FGF2: variants seen among roughly 807,000 people sequenced by gnomAD.
FGF2 encodes basic fibroblast growth factor bFGF.
In FGF2, 13 loss-of-function variants were observed where a neutral mutation model predicts 15.9. That is an observed-to-expected ratio of 0.82 (90% CI 0.53 to 1.30). FGF2 has a LOEUF of 1.30. Among genes scored for constraint, FGF2 ranks in the 50% most tolerant of loss-of-function variants. FGF2 has a pLI of 0.00. For missense variants in FGF2, 163 were observed against 196.9 expected (o/e 0.83, Z 1.03); for synonymous variants, 90 against 78.4 (o/e 1.15, Z -0.78).
Position 122,892,888 on chromosome 4 carries a change from A to T in FGF2, c.*492A>T. ...GCAGTTCCTTATGATAGAGTTTATA[A>T]AACAGTCCTGTGTAAACTGCTGGAA... On this transcript the variant is annotated 3_prime_UTR_variant, in exon 3 of 3. Transcript: ENST00000644866. The T allele has an allele frequency of 6.2e-7, 1 of 1,613,754 alleles. No individual in the cohort carries two copies. Among genetic ancestry groups the T allele is most frequent in the Non-Finnish European group, 8.5e-7 (1 of 1,179,660 alleles).
At chr4:122,875,248 T>C (rs1726814552) in intron 1 of FGF2, among the ~76,000 whole-genome samples, 1 of 152,140 alleles carries the variant, frequency 6.6e-6, no homozygotes, top group African/African-American at 2.4e-5. Context: ...CATAATTAAG[T>C]AATTTTTTTT....
chr4:122,831,947 A>G (rs1009612475), intron 1 of FGF2, among the ~76,000 whole-genome samples: 6 of 152,372 alleles, frequency 3.9e-5, no homozygotes, highest in African/African-American at 7.2e-5. Flanking sequence ...TATCATAAGC[A>G]TAAAATTGAC....
At chr4:122,858,936 C>CT (rs5861582) in intron 1 of FGF2, among the ~76,000 whole-genome samples, 9,426 of 152,218 alleles carry the variant, frequency 0.062, 806 homozygotes, top group African/African-American at 0.19. Context: ...CGAACACACT[C>CT]TATCAACCAA....
intron 1 of FGF2, among the ~76,000 whole-genome samples, chr4:122,835,632 G>A (rs1725851345): frequency 6.6e-6 from 1 of 152,068 alleles, no homozygotes. Context: ...TGTCTTTGAT[G>A]CCTTTCTCTA....
chr4:122,895,535 C>G lies in FGF2; in HGVS notation c.*3139C>G, dbSNP rs1167241389. Reference sequence around the variant, plus strand: ...TGCACTGATGATCTCTGATAAGGCTCAGCTGCTTTATAGTTCTCTGGCTAA... The same window carrying G: ...TGCACTGATGATCTCTGATAAGGCTGAGCTGCTTTATAGTTCTCTGGCTAA... On this transcript the variant is annotated 3_prime_UTR_variant, in exon 3 of 3. Transcript: ENST00000644866. 1 of 152,188 alleles carries G rather than the reference C, an allele frequency of 6.6e-6. No homozygotes were observed. The highest frequency in any genetic ancestry group is 1.9e-4 in the East Asian group (1 of 5,200). 9.4% of individuals were successfully genotyped at this position (152,188 alleles called of 1,614,324 possible).
rs965348856 is a variant in FGF2, at chr4:122,827,405, C to G, written c.178+53C>G. The G allele has an allele frequency of 6.3e-6, 10 of 1,588,894 alleles. No individual in the cohort carries two copies. Among genetic ancestry groups the G allele is most frequent in the South Asian group, 4.4e-5 (4 of 90,144 alleles). ...CATTTCCATTTCGTGGGTTCTCGCC[C>G]GCTCTCTCCCCTCCAGCCTGCACCC... On this transcript the variant is annotated intron_variant, in intron 1 of 2. Transcript: ENST00000644866. The surrounding 1 kb of genome is among the most constrained non-coding windows in gnomAD (Gnocchi z 4.2).
intron 1 of FGF2, among the ~76,000 whole-genome samples, chr4:122,865,058 G>A (rs1229185952): frequency 6.6e-6 from 1 of 152,088 alleles, no homozygotes; most frequent in Admixed American, 6.5e-5. Flanking sequence ...ATATTCAAAT[G>A]TACAGTTTTT....
rs182227114 is a variant in FGF2 at position 122,856,783 on chromosome 4, A to G, written c.179-19538A>G. On this transcript the variant is annotated intron_variant, in intron 1 of 2. Transcript: ENST00000644866. ...ATAACCCAGATATTGACATTGATTC[A>G]TTCAAGATACAGAGCATTTCCATCA... Among the ~76,000 whole-genome samples the G allele has an allele frequency of 7.2e-5, 11 of 152,322 alleles. No individual in the cohort carries two copies. The East Asian group carries it at 1.5e-3, about 21-fold the overall frequency.
chr4:122,889,306 T>G (rs1296775638), intron 2 of FGF2, among the ~76,000 whole-genome samples: 2 of 152,226 alleles, frequency 1.3e-5, no homozygotes, highest in East Asian at 3.8e-4. Flanking sequence ...CAAGTTGTTA[T>G]AAGCCCTTAG....
At chr4:122,843,510 G>A (rs1352105501) in intron 1 of FGF2, among the ~76,000 whole-genome samples, 1 of 152,216 alleles carries the variant, frequency 6.6e-6, no homozygotes, top group Non-Finnish European at 1.5e-5. Context: ...TGGCGGGTGT[G>A]TGTAATAGAT....
chr4:122,876,348 G>A lies in FGF2; in HGVS notation c.206G>A (p.Arg69Lys), dbSNP rs1726845635. The A allele has an allele frequency of 6.2e-7, 1 of 1,612,780 alleles. No homozygotes were observed. ...AAGCTACAACTTCAAGCAGAAGAGA[G>A]AGGAGTTGTGTCTATCAAAGGAGTG... ...HIKLQLQAEERGVVSIKGVCA... is the reference protein window; with the variant it reads ...HIKLQLQAEEKGVVSIKGVCA... Residue 69 changes from arginine to lysine, a missense_variant, in exon 2 of 3, where the codon AGA (arginine) becomes AAA (lysine). By Grantham distance (26) the Arg-to-Lys change is conservative (BLOSUM62 2). Coordinates refer to ENST00000644866, the MANE Select transcript of FGF2 (RefSeq NM_001361665.2).
intron 1 of FGF2, among the ~76,000 whole-genome samples, chr4:122,851,684 A>G (rs1448924160): frequency 6.6e-6 from 1 of 152,214 alleles, no homozygotes; most frequent in Admixed American, 6.5e-5. Flanking sequence ...GCTATTATTA[A>G]AAGTAGAGAA....
intron 1 of FGF2, among the ~76,000 whole-genome samples, chr4:122,874,869 GTTA>G (rs1726807425): frequency 6.6e-6 from 1 of 152,012 alleles, no homozygotes; most frequent in Admixed American, 6.6e-5. Flanking sequence ...TATTTCTAAT[GTTA>G]TTCAAATGAT....
At chr4:122,855,178 CTTAA>C (rs1285703840) in intron 1 of FGF2, among the ~76,000 whole-genome samples, 1 of 152,182 alleles carries the variant, frequency 6.6e-6, no homozygotes, top group Non-Finnish European at 1.5e-5. Context: ...GAGGCACTTA[CTTAA>C]TTAACTTTGA....
intron 1 of FGF2, among the ~76,000 whole-genome samples, chr4:122,862,385 A>G (rs2150776935): frequency 6.6e-6 from 1 of 152,330 alleles, no homozygotes. Context: ...ACAAAAGAAA[A>G]TGATGTGGAT....
At chr4:122,841,593 G>GA (rs901269833) in intron 1 of FGF2, among the ~76,000 whole-genome samples, 2 of 151,650 alleles carry the variant, frequency 1.3e-5, no homozygotes, top group African/African-American at 2.4e-5. Flanking sequence ...TCCTCTAAAA[G>GA]AAAAAAAATA....
intron 1 of FGF2, among the ~76,000 whole-genome samples, chr4:122,841,591 AAG>A (rs1307214781): frequency 1.3e-5 from 2 of 152,232 alleles, no homozygotes; most frequent in Non-Finnish European, 2.9e-5. Context: ...TTTCCTCTAA[AAG>A]AAAAAAAATA....
At chr4:122,848,524 G>A (rs1726162639) in intron 1 of FGF2, among the ~76,000 whole-genome samples, 1 of 152,134 alleles carries the variant, frequency 6.6e-6, no homozygotes, top group African/African-American at 2.4e-5. Context: ...AATTGCTGCT[G>A]GGCCTGTTGT....
At chr4:122,863,367 T>A (rs888688606) in intron 1 of FGF2, among the ~76,000 whole-genome samples, 2 of 152,208 alleles carry the variant, frequency 1.3e-5, no homozygotes, top group Non-Finnish European at 2.9e-5. Context: ...TGCAATTACT[T>A]GCTAAAGAAA....
Sources: allele counts gnomAD v4.1 joint callset (sites outside exome capture counted in the v4.1 genomes callset), GRCh38; gene constraint gnomAD v4.1.1; non-coding constraint Gnocchi (gnomAD v3.1); transcripts MANE v1.5; gene names NCBI Gene and HGNC (gene_info 2026-07-23, HGNC 2026-07-21).